The following TMEM132D variants were observed in gnomAD, a reference collection of about 807,000 sequenced individuals.
TMEM132D encodes the protein mature OL transmembrane protein.
A neutral mutation model predicts 62.3 loss-of-function variants in TMEM132D; 21 were observed. The observed-to-expected ratio is 0.34, with a 90% confidence interval of 0.24 to 0.49. TMEM132D has a LOEUF of 0.49. Ranked by LOEUF, TMEM132D falls within the 20% of genes least tolerant of loss-of-function variation. The pLI is 0.99. For missense variants in TMEM132D, 1,346 were observed against 1,402.8 expected (o/e 0.96, Z 0.65); for synonymous variants, 621 against 575.6 (o/e 1.08, Z -1.13).
chr12:129,605,604 T>TATATATATAC lies in TMEM132D; in HGVS notation c.969-74400_969-74399insGTATATATAT, dbSNP rs150550863. 3.0e-3 allele frequency among the ~76,000 whole-genome samples: 320 copies of TATATATATAC among 106,266 alleles called. 7 individuals are homozygous for TATATATATAC. The highest frequency in any genetic ancestry group is 0.011 in the African/African-American group (282 of 25,728). 69.7% of individuals were successfully genotyped at this position (106,266 alleles called of 152,430 possible). Reference sequence around the variant, plus strand: ...ATTAGGCATTATATATATATATATATACACACACATATATATATACACACA... The same window carrying TATATATATAC: ...ATTAGGCATTATATATATATATATATATATATATACACACACACATATATATATACACACA... On this transcript the variant is annotated intron_variant, in intron 2 of 8. Transcript: ENST00000422113.
At position 129,199,157 on chromosome 12, in the gene TMEM132D, T is replaced by C. The variant is rs908983205; in HGVS notation, c.1443+10363A>G. On this transcript the variant is annotated intron_variant, in intron 5 of 8. Transcript: ENST00000422113. The stretch of plus-strand genomic sequence containing the variant: ...CAGGGTCTCGCTCTGTCATCCAGGA[T>C]GGAATGCAGTGGTGCCATCATGGCT... Among the ~76,000 whole-genome samples the C allele has an allele frequency of 3.6e-5, 5 of 137,936 alleles. No homozygotes were observed. In the Admixed American group the frequency reaches 4.1e-4, roughly 11 times the overall value. 90.5% of individuals were successfully genotyped at this position (137,936 alleles called of 152,430 possible).
intron 1 of TMEM132D, among the ~76,000 whole-genome samples, chr12:129,863,143 A>G (rs530849555): frequency 1.3e-5 from 2 of 152,262 alleles, no homozygotes; most frequent in Admixed American, 1.3e-4. Flanking sequence ...AGTCACTATA[A>G]TTTTTAGCTT....
intron 3 of TMEM132D, among the ~76,000 whole-genome samples, chr12:129,381,450 G>T (rs1455414619): frequency 6.6e-6 from 1 of 152,116 alleles, no homozygotes; most frequent in African/African-American, 2.4e-5. Context: ...TCAGGTTTGG[G>T]ACATCCTTTT....
intron 3 of TMEM132D, among the ~76,000 whole-genome samples, chr12:129,495,447 A>G (rs1335346747): frequency 6.6e-6 from 1 of 152,056 alleles, no homozygotes; most frequent in African/African-American, 2.4e-5. Context: ...TACACAGCAG[A>G]TGGGATTTTC....
intron 5 of TMEM132D, among the ~76,000 whole-genome samples, chr12:129,119,958 T>A (rs1307131476): frequency 1.3e-5 from 2 of 151,890 alleles, no homozygotes; most frequent in Non-Finnish European, 2.9e-5. Context: ...GAATCTTAAG[T>A]CACGTGTCAA....
At chr12:129,539,448 A>G (rs1362365361) in intron 2 of TMEM132D, among the ~76,000 whole-genome samples, 1 of 134,040 alleles carries the variant, frequency 7.5e-6, no homozygotes, top group African/African-American at 2.9e-5. Flanking sequence ...TCTGTCACCC[A>G]GACTGGAGTG....
chr12:129,360,816 C>A (rs12229672), intron 3 of TMEM132D, among the ~76,000 whole-genome samples: 5,332 of 152,272 alleles, frequency 0.035, 282 homozygotes, highest in East Asian at 0.27. Context: ...TCCTGGACGT[C>A]TCCCACTGTG....
At chr12:129,615,627 C>T (rs1321121089) in intron 2 of TMEM132D, among the ~76,000 whole-genome samples, 2 of 149,662 alleles carry the variant, frequency 1.3e-5, no homozygotes, top group African/African-American at 4.9e-5. Flanking sequence ...GAAAAATTAG[C>T]TGGGTGTGGT....
chr12:129,875,001 A>G (rs986377849), intron 1 of TMEM132D, among the ~76,000 whole-genome samples: 1 of 152,252 alleles, frequency 6.6e-6, no homozygotes, highest in Non-Finnish European at 1.5e-5. Context: ...ATGGCTAAAA[A>G]GAAATGAAAA....
At chr12:129,802,126 C>G (rs1410008206) in intron 1 of TMEM132D, among the ~76,000 whole-genome samples, 1 of 151,446 alleles carries the variant, frequency 6.6e-6, no homozygotes, top group Non-Finnish European at 1.5e-5. Flanking sequence ...AGGATATTAT[C>G]CAGGAGAACT....
intron 5 of TMEM132D, among the ~76,000 whole-genome samples, chr12:129,167,256 A>AG (rs1252371005): frequency 1.3e-5 from 2 of 151,826 alleles, no homozygotes; most frequent in African/African-American, 4.8e-5. Flanking sequence ...TGAGACGAGG[A>AG]GGCCTCACCA....
At chr12:129,423,779 G>A (rs181335819) in intron 3 of TMEM132D, among the ~76,000 whole-genome samples, 1 of 152,214 alleles carries the variant, frequency 6.6e-6, no homozygotes, top group Admixed American at 6.5e-5. Flanking sequence ...CTAGAAATAT[G>A]TCACAGCTTT....
At chr12:129,823,524 G>C (rs960505011) in intron 1 of TMEM132D, among the ~76,000 whole-genome samples, 19 of 152,272 alleles carry the variant, frequency 1.2e-4, no homozygotes, top group African/African-American at 4.6e-4. Context: ...AGCAGCCTTT[G>C]TAAGGAGAGC....
chr12:129,585,552 C>T (rs758711304), intron 2 of TMEM132D, among the ~76,000 whole-genome samples: 10 of 152,186 alleles, frequency 6.6e-5, no homozygotes, highest in Non-Finnish European at 1.0e-4. Flanking sequence ...ATGTAAGGAG[C>T]TGTCTCAAAT....
At chr12:129,260,222 C>T (rs1331828603) in intron 4 of TMEM132D, among the ~76,000 whole-genome samples, 2 of 152,124 alleles carry the variant, frequency 1.3e-5, no homozygotes, top group African/African-American at 4.8e-5. Context: ...TAGGGTGATA[C>T]AGAAACTGAG....
intron 4 of TMEM132D, among the ~76,000 whole-genome samples, chr12:129,268,424 A>G (rs533697733): frequency 6.6e-6 from 1 of 152,386 alleles, no homozygotes; most frequent in African/African-American, 2.4e-5. Context: ...GCCAAAAAAC[A>G]CATGAAAAAA....
intron 1 of TMEM132D, among the ~76,000 whole-genome samples, chr12:129,862,568 G>A (rs1433733472): frequency 6.6e-6 from 1 of 152,166 alleles, no homozygotes; most frequent in Non-Finnish European, 1.5e-5. Context: ...CAGCCATGGG[G>A]GTTGATCAGC....
intron 4 of TMEM132D, among the ~76,000 whole-genome samples, chr12:129,327,551 A>C (rs10847832): frequency 6.6e-6 from 1 of 152,064 alleles, no homozygotes; most frequent in African/African-American, 2.4e-5. Flanking sequence ...ATCATCTCGG[A>C]AAGTTTCACT....
intron 2 of TMEM132D, among the ~76,000 whole-genome samples, chr12:129,613,903 C>T (rs1593089197): frequency 6.6e-6 from 1 of 151,932 alleles, no homozygotes; most frequent in East Asian, 1.9e-4. Flanking sequence ...ACCCAGGAGA[C>T]TGGCTCCAGA....
Sources: allele counts gnomAD v4.1 joint callset (sites outside exome capture counted in the v4.1 genomes callset), GRCh38; gene constraint gnomAD v4.1.1; transcripts MANE v1.5; gene names NCBI Gene and HGNC (gene_info 2026-07-23, HGNC 2026-07-21).